Variants in KIF5A observed in about 807,000 individuals in gnomAD.
KIF5A encodes the protein kinesin heavy chain isoform 5A.
A neutral mutation model predicts 141.3 loss-of-function variants in KIF5A; 35 were observed. That is an observed-to-expected ratio of 0.25 (90% confidence interval 0.19 to 0.33). KIF5A has a LOEUF of 0.33. KIF5A is among the 10% of genes least tolerant of loss of function. KIF5A has a pLI of 1.00. For synonymous variants in KIF5A, 448 were observed against 500.2 expected (o/e 0.90, Z 1.39); for missense variants, 861 against 1,314.3 (o/e 0.66, Z 5.33).
rs1172218291 is a variant in KIF5A at position 57,581,884 on chromosome 12, G to A, written c.2924G>A (p.Cys975Tyr). The A allele has an allele frequency of 6.2e-7, 1 of 1,613,920 alleles. No individual in the cohort carries two copies. The highest frequency in any genetic ancestry group is 8.5e-7 in the Non-Finnish European group (1 of 1,180,022). Residue 975 changes from cysteine (C) to tyrosine (Y), a missense_variant, in exon 26 of 29, where the codon TGT becomes TAT. By Grantham distance (194) the Cys-to-Tyr change is radical. This residue lies in a region of KIF5A where 482 missense variants were observed against 661.3 expected (regional missense o/e 0.73). Transcript: ENST00000455537. The stretch of plus-strand genomic sequence containing the variant: ...GCTCCATCCAGCTTTGCAAACTCCT[G>A]TACCAGCAGTGGAGCCACATCTTCT... ...STSDMYFANS[C>Y]TSSGATSSGG... is the part of the protein sequence containing the mutation.
At chr12:57,558,592 T>G (rs1881816668) in intron 1 of KIF5A, among the ~76,000 whole-genome samples, 1 of 152,174 alleles carries the variant, frequency 6.6e-6, no homozygotes, top group African/African-American at 2.4e-5. Context: ...GAGAACTGCT[T>G]GAGCCCGGGA....
chr12:57,582,071 C>A, intron 26 of KIF5A, 119 bp downstream of exon 26: 1 of 833,170 alleles, frequency 1.2e-6, no homozygotes, highest in Admixed American at 2.1e-5. Context: ...TGTGCCAAGG[C>A]TTCAAATAAA....
At chr12:57,582,651 CT>C (rs1452816159) in intron 27 of KIF5A, 22 bp downstream of exon 27, 13 of 1,584,228 alleles carry the variant, frequency 8.2e-6, no homozygotes, top group Non-Finnish European at 1.1e-5. Flanking sequence ...CCCACTACCC[CT>C]GGGTTCTCTG....
intron 6 of KIF5A, 70 bp from the exon 7 acceptor site, chr12:57,567,056 T>A: frequency 1.2e-6 from 1 of 829,246 alleles, no homozygotes; most frequent in Non-Finnish European, 1.8e-6. Flanking sequence ...ATAATAATAA[T>A]AAAAATAAAT....
chr12:57,567,752 C>T, intron 8 of KIF5A, 134 bp downstream of exon 8: 1 of 937,060 alleles, frequency 1.1e-6, no homozygotes, highest in Non-Finnish European at 1.5e-6. Flanking sequence ...CCTCCGCCTC[C>T]TGGGTTTAAG....
intron 8 of KIF5A, among the ~76,000 whole-genome samples, chr12:57,568,656 C>T (rs1008740640): frequency 4.6e-5 from 7 of 151,180 alleles, no homozygotes; most frequent in African/African-American, 1.7e-4. Flanking sequence ...ACCTGGGAGG[C>T]GGAGGTTGTG....
chr12:57,560,082 T>G lies in KIF5A; in HGVS notation c.130-3357T>G, dbSNP rs1286393110. The stretch of plus-strand genomic sequence containing the variant: ...AATTTTTGTATTTTTAGTAGAGACA[T>G]GGTTTCACCATGTTGGCCAGGCTAG... On this transcript the variant is annotated intron_variant, in intron 1 of 28. Coordinates refer to ENST00000455537, the MANE Select transcript of KIF5A (RefSeq NM_004984.4). 2.6e-5 allele frequency among the ~76,000 whole-genome samples: 4 copies of G among 152,044 alleles called. No individual in the cohort carries two copies. The East Asian group carries it at 7.7e-4, about 29-fold the overall frequency.
At chr12:57,575,913 C>T (rs1882409101) in intron 17 of KIF5A, among the ~76,000 whole-genome samples, 156 bp downstream of exon 17, 1 of 152,230 alleles carries the variant, frequency 6.6e-6, no homozygotes, top group Non-Finnish European at 1.5e-5. Flanking sequence ...GCTCATTTTA[C>T]ATTAACCATA....
rs370132723 is a variant in KIF5A at position 57,570,152 on chromosome 12, T to G, written c.1283T>G (p.Leu428Arg). The change falls in exon 12 of 29, where the codon CTT (leucine) becomes CGT (arginine). Residue 428 changes from leucine (L) to arginine (R), a missense_variant. Physicochemically the swap from Leu to Arg is moderately radical, Grantham distance 102. Around this residue, in one of 5 missense-constraint regions of KIF5A, gnomAD observed 167 missense variants for 192.0 expected, o/e 0.87. Transcript: ENST00000455537. Reference sequence around the variant, plus strand: ...GAGATCCGCCGTCTCTATAAGCAGCTTGACGACAAGGTGAGGGCGGCCAGG... The same window carrying G: ...GAGATCCGCCGTCTCTATAAGCAGCGTGACGACAAGGTGAGGGCGGCCAGG... ...EEEIRRLYKQ[L>R]DDKDDEINQQ... 70 of 1,613,600 alleles carry G rather than the reference T, an allele frequency of 4.3e-5. No individual in the cohort carries two copies. Among genetic ancestry groups the G allele is most frequent in the Non-Finnish European group, 5.2e-5 (61 of 1,179,960 alleles).
In KIF5A at chr12:57,572,003, G is replaced by A; in HGVS notation, c.1363-58G>A. ...GGGGGCTCAGCTTCCCAGACCCAAG[G>A]CCATAGAAATGGTCACTGGCAGTGA... is the stretch of plus-strand genomic sequence containing the variant. On this transcript the variant is annotated intron_variant, in intron 13 of 28. Coordinates refer to ENST00000455537, the MANE Select transcript of KIF5A (RefSeq NM_004984.4). The surrounding 1 kb of genome is among the most constrained non-coding windows in gnomAD (Gnocchi z 4.2). 1 of 1,472,160 alleles carries A rather than the reference G, an allele frequency of 6.8e-7. No homozygotes were observed. Among genetic ancestry groups the A allele is most frequent in the Non-Finnish European group, 9.4e-7 (1 of 1,061,612 alleles). 91.2% of individuals were successfully genotyped at this position (1,472,160 alleles called of 1,614,324 possible).
intron 1 of KIF5A, among the ~76,000 whole-genome samples, chr12:57,557,509 AC>A (rs1815208279): frequency 2.0e-5 from 3 of 152,028 alleles, no homozygotes; most frequent in Admixed American, 2.0e-4. Flanking sequence ...ATATCTTACC[AC>A]CCCAAAGAAG....
chr12:57,571,362 C>G lies in KIF5A; in HGVS notation c.1335C>G (p.Leu445=). ...AACAAAGCCAACTCATAGAGAAGCT[C>G]AAGCAGCAAATGCTGGACCAGGAAG... is the stretch of plus-strand genomic sequence containing the variant. The part of the protein sequence containing the change: ...INQQSQLIEK[L]KQQMLDQEEL... Residue 445 remains leucine (L), a synonymous_variant, in exon 13 of 29, where the codon CTC becomes CTG. Coordinates refer to ENST00000455537, the MANE Select transcript of KIF5A (RefSeq NM_004984.4). 6.2e-7 allele frequency: 1 copy of G among 1,613,794 alleles called. No homozygotes were observed. The highest frequency in any genetic ancestry group is 8.5e-7 in the Non-Finnish European group (1 of 1,179,832).
chr12:57,583,001 C>T (rs969083923), intron 27 of KIF5A, 100 bp from the exon 28 acceptor site: 64 of 946,130 alleles, frequency 6.8e-5, no homozygotes, highest in Admixed American at 2.2e-4. Context: ...TAGTCCCTGC[C>T]GTTTGTGATC....
intron 1 of KIF5A, among the ~76,000 whole-genome samples, chr12:57,555,044 GA>G (rs1881689656): frequency 1.3e-5 from 2 of 152,160 alleles, no homozygotes; most frequent in Admixed American, 6.5e-5. Context: ...GATTTAAAGG[GA>G]ATCCCTGCCT....
intron 23 of KIF5A, among the ~76,000 whole-genome samples, chr12:57,579,850 ACT>A (rs1882541051): frequency 6.6e-6 from 1 of 151,996 alleles, no homozygotes; most frequent in Non-Finnish European, 1.5e-5. Context: ...ACAACCACAC[ACT>A]GTTTCCTTTA....
At position 57,565,813 on chromosome 12, in the gene KIF5A, C is replaced by G. The variant is rs189983067; in HGVS notation, c.501+840C>G. Among the ~76,000 whole-genome samples the G allele has an allele frequency of 8.1e-3, 1,223 of 150,556 alleles. 20 individuals are homozygous for G. The highest frequency in any genetic ancestry group is 0.028 in the African/African-American group (1,167 of 41,094). On this transcript the variant is annotated intron_variant, in intron 6 of 28. Transcript: ENST00000455537. ...CTGATTTTAGTATTTTTAGTAGAGA[C>G]GGGGTTTCACCATGTTGGCCAGGCT...
In KIF5A at chr12:57,581,174, T is replaced by G; in HGVS notation, c.2755+2T>G. 1 of 1,613,018 alleles carries G rather than the reference T, an allele frequency of 6.2e-7. No homozygotes were observed. Among genetic ancestry groups the G allele is most frequent in the Non-Finnish European group, 8.5e-7 (1 of 1,179,656 alleles). On this transcript the variant is annotated splice_donor_variant, in intron 24 of 28. Coordinates refer to ENST00000455537, the MANE Select transcript of KIF5A (RefSeq NM_004984.4). LOFTEE classifies it high-confidence loss of function. ...AACGGGGCCATTCTGCCCAGATTGG[T>G]GAGTAGGTGTTAGCAGGCAAGGTGG...
At chr12:57,558,595 GCC>G (rs1881816973) in intron 1 of KIF5A, among the ~76,000 whole-genome samples, 1 of 152,196 alleles carries the variant, frequency 6.6e-6, no homozygotes, top group African/African-American at 2.4e-5. Context: ...AACTGCTTGA[GCC>G]CGGGAGGCAG....
chr12:57,583,161 A>G lies in KIF5A; in HGVS notation c.3081A>G (p.Gln1027=). Reference sequence around the variant, plus strand: ...AGGCCAAGCTTTTCCCTCTCCACCAAGAGACAGCAGCCAGCTAATCTCCCA... The same window carrying G: ...AGGCCAAGCTTTTCCCTCTCCACCAGGAGACAGCAGCCAGCTAATCTCCCA... The part of the protein sequence containing the change: ...EDQAKLFPLH[Q]ETAAS The change falls in exon 28 of 29, where the codon CAA becomes CAG. Residue 1027 remains glutamine (Q), a synonymous_variant. Transcript: ENST00000455537. The G allele has an allele frequency of 1.2e-6, 2 of 1,613,898 alleles. No individual in the cohort carries two copies. Among genetic ancestry groups the G allele is most frequent in the Non-Finnish European group, 1.7e-6 (2 of 1,179,940 alleles).
Sources: allele counts gnomAD v4.1 joint callset (sites outside exome capture counted in the v4.1 genomes callset), GRCh38; gene constraint gnomAD v4.1.1; regional missense constraint gnomAD v4.1.1; non-coding constraint Gnocchi (gnomAD v3.1); transcripts MANE v1.5; gene names NCBI Gene and HGNC (gene_info 2026-07-23, HGNC 2026-07-21).